SLC5A4: variants seen among roughly 807,000 people sequenced by gnomAD.
The protein encoded by SLC5A4 is solute carrier family 5 member 4.
Under a neutral mutation model 70.3 loss-of-function variants are expected in SLC5A4, and 55 were observed. The ratio of observed to expected loss-of-function variants is 0.78; its 90% confidence interval spans 0.63 to 0.98. The LOEUF is 0.98. SLC5A4 is among the 50% of genes least tolerant of loss of function. The pLI is 0.00. For synonymous variants in SLC5A4, 268 were observed against 305.7 expected (o/e 0.88, Z 1.29); for missense variants, 735 against 839.2 (o/e 0.88, Z 1.53).
chr22:32,292,735 G>A, the SLC5A4 span, among the ~76,000 whole-genome samples: 1 of 152,082 alleles, frequency 6.6e-6, no homozygotes, highest in Non-Finnish European at 1.5e-5. Context: ...GTCTGTATGA[G>A]GAAAATGTGT....
the SLC5A4 span, among the ~76,000 whole-genome samples, chr22:32,349,804 C>G: frequency 6.6e-6 from 1 of 152,178 alleles, no homozygotes; most frequent in African/African-American, 2.4e-5. Context: ...TTATGGCTTT[C>G]TGACTTGTCC....
upstream of SLC5A4, among the ~76,000 whole-genome samples, chr22:32,258,050 A>G (rs1003566860): frequency 1.3e-5 from 2 of 151,480 alleles, no homozygotes; most frequent in Non-Finnish European, 2.9e-5. Flanking sequence ...TGGTGGTACA[A>G]TCTCCACTCA....
chr22:32,240,439 A>ATG (rs1926450529), intron 5 of SLC5A4, among the ~76,000 whole-genome samples: 1 of 65,190 alleles, frequency 1.5e-5, no homozygotes, highest in Non-Finnish European at 3.7e-5. Flanking sequence ...ATATGTGTGT[A>ATG]TATATATATA....
chr22:32,266,759 A>G, the SLC5A4 span, among the ~76,000 whole-genome samples: 2 of 152,252 alleles, frequency 1.3e-5, no homozygotes, highest in Non-Finnish European at 2.9e-5. Context: ...CAAGTCCGTT[A>G]ACGCATATTT....
chr22:32,313,354 AT>A, the SLC5A4 span, among the ~76,000 whole-genome samples: 1 of 152,182 alleles, frequency 6.6e-6, no homozygotes, highest in Non-Finnish European at 1.5e-5. Context: ...AAGTATTCTG[AT>A]TTGGATGATA....
chr22:32,285,987 C>T, the SLC5A4 span, among the ~76,000 whole-genome samples: 1,818 of 152,246 alleles, frequency 0.012, 41 homozygotes, highest in African/African-American at 0.04. Flanking sequence ...CTGCCTGCCT[C>T]GGCCTCCCAA....
At chr22:32,335,818 C>CT in the SLC5A4 span, among the ~76,000 whole-genome samples, 11 of 76 alleles carry the variant, frequency 0.14, no homozygotes, top group Admixed American at 0.25. Flanking sequence ...TCCCCCAGCA[C>CT]CTCTGGGACC....
chr22:32,327,758 T>C, the SLC5A4 span, among the ~76,000 whole-genome samples: 1 of 151,806 alleles, frequency 6.6e-6, no homozygotes, highest in South Asian at 2.1e-4. Context: ...CAGTTGGGAG[T>C]GTCCTGACGG....
the SLC5A4 span, among the ~76,000 whole-genome samples, chr22:32,298,761 A>T: frequency 9.8e-6 from 1 of 102,022 alleles, no homozygotes; most frequent in Non-Finnish European, 2.0e-5. Flanking sequence ...GATGGTCTTT[A>T]CATTTTGGCA....
intron 5 of SLC5A4, among the ~76,000 whole-genome samples, chr22:32,241,314 A>G (rs1030090146): frequency 2.0e-5 from 3 of 152,242 alleles, no homozygotes; most frequent in Admixed American, 1.3e-4. Context: ...GGGTCAAACA[A>G]GCTCTCAAAA....
In SLC5A4 at chr22:32,247,577, T is replaced by C. The variant is rs958885279; in HGVS notation, c.373-62A>G. Reference sequence around the variant, plus strand: ...CTTAGGGCCCTGTGCGTTCAGATTATTCAGCATTTCCTAAGCACCTGTGAG... The same window carrying C: ...CTTAGGGCCCTGTGCGTTCAGATTACTCAGCATTTCCTAAGCACCTGTGAG... On this transcript the variant is annotated intron_variant, in intron 4 of 14. Transcript: ENST00000266086. The C allele has an allele frequency of 6.6e-6, 7 of 1,060,138 alleles. No individual in the cohort carries two copies. In the African/African-American group the frequency reaches 1.1e-4, roughly 16 times the overall value. The allele number at this position is 1,060,138 out of a possible 1,614,324, so 65.7% of individuals were successfully genotyped here. A position where few individuals can be genotyped will look rare whatever the true frequency, so the allele number is the denominator to read the frequency against.
At chr22:32,286,668 G>A in the SLC5A4 span, among the ~76,000 whole-genome samples, 1 of 152,192 alleles carries the variant, frequency 6.6e-6, no homozygotes, top group Non-Finnish European at 1.5e-5. Context: ...CTGGGGCATG[G>A]CAGTCTGTAC....
the SLC5A4 span, among the ~76,000 whole-genome samples, chr22:32,342,739 C>T: frequency 6.6e-6 from 1 of 152,310 alleles, no homozygotes; most frequent in Non-Finnish European, 1.5e-5. Flanking sequence ...TGATTCAAAT[C>T]TGGATTCCCA....
the SLC5A4 span, among the ~76,000 whole-genome samples, chr22:32,305,308 T>TGAAGGCA: frequency 3.7e-4 from 48 of 131,102 alleles, no homozygotes; most frequent in Admixed American, 7.2e-4. Flanking sequence ...GCTCCCGGGC[T>TGAAGGCA]TGTAGTCTCT....
the SLC5A4 span, among the ~76,000 whole-genome samples, chr22:32,322,177 C>G: frequency 6.6e-6 from 1 of 152,262 alleles, no homozygotes; most frequent in Admixed American, 6.5e-5. Flanking sequence ...GCTGACTCGA[C>G]CATGAGGCTG....
rs1603236506 is a variant in SLC5A4 at position 32,251,979 on chromosome 22, C to T, written c.208-105G>A. 5.1e-6 allele frequency: 4 copies of T among 785,226 alleles called. No homozygotes were observed. In the Admixed American group the frequency reaches 6.3e-5, roughly 12 times the overall value. The allele number at this position is 785,226 out of a possible 1,614,324, so 48.6% of individuals were successfully genotyped here. The stretch of plus-strand genomic sequence containing the variant: ...GCGTGGTGGCTCACGCCTGTAATCC[C>T]AGCACTTTGGGAGGCTGAGGCGGGT... On this transcript the variant is annotated intron_variant, in intron 2 of 14. Coordinates refer to ENST00000266086, the MANE Select transcript of SLC5A4 (RefSeq NM_014227.3).
the SLC5A4 span, among the ~76,000 whole-genome samples, chr22:32,316,926 T>G: frequency 9.9e-6 from 1 of 100,732 alleles, no homozygotes; most frequent in Non-Finnish European, 1.9e-5. Context: ...ATAATCTAAT[T>G]AACAACTCTG....
In SLC5A4 at chr22:32,247,424, A is replaced by C; in HGVS notation, c.464T>G (p.Val155Gly). Reference protein sequence around the residue: ...LSILSLFICVVLLISADIFAG... With the variant: ...LSILSLFICVGLLISADIFAG... The stretch of plus-strand genomic sequence containing the variant: ...CTCTGAACTCACAGAAATTAACAAA[A>C]CCACACAGATGAAGAGGGAGAGGAT... The change falls in exon 5 of 15, where the codon GTT (valine) becomes GGT (glycine). Residue 155 changes from valine (V) to glycine (G), a missense_variant. By Grantham distance (109) the Val-to-Gly change is moderately radical. Transcript: ENST00000266086. 1 of 1,611,964 alleles carries C rather than the reference A, an allele frequency of 6.2e-7. No individual in the cohort carries two copies. The highest frequency in any genetic ancestry group is 1.1e-5 in the South Asian group (1 of 91,032).
At position 32,229,284 on chromosome 22, in the gene SLC5A4, A is replaced by T. The variant is rs776395556; in HGVS notation, c.1190T>A (p.Ile397Asn). Residue 397 changes from isoleucine (I) to asparagine (N), a missense_variant, in exon 11 of 15, where the codon ATC becomes AAC. Transcript: ENST00000266086. ...LASLMSSLTS[I>N]FNSASTLFTI... ...GAAGAGGGTGCTGGCGCTGTTGAAG[A>T]TGGAGGTCAGGGAGCTCATGAGAGA... 5 of 1,614,178 alleles carry T rather than the reference A, an allele frequency of 3.1e-6. No homozygotes were observed. The highest frequency in any genetic ancestry group is 4.2e-6 in the Non-Finnish European group (5 of 1,180,030).
Sources: gnomAD v4.1 joint callset for allele counts (sites outside exome capture counted in the v4.1 genomes callset) on GRCh38, gnomAD v4.1.1 for gene constraint, MANE v1.5 for transcripts, NCBI Gene and HGNC (gene_info 2026-07-23, HGNC 2026-07-21) for gene names.